The following SGCZ variants were observed in gnomAD, a reference collection of about 807,000 sequenced individuals.
SGCZ encodes the protein zeta-sarcoglycan.
SGCZ carries 40 observed loss-of-function variants against 41.3 expected under a neutral mutation model. That is an observed-to-expected ratio of 0.97 (90% CI 0.75 to 1.26). SGCZ has a LOEUF of 1.26. SGCZ is among the 50% of genes most tolerant of loss of function. The pLI, the probability that SGCZ is intolerant of heterozygous loss-of-function variation, is 0.00. For synonymous variants in SGCZ, 206 were observed against 137.5 expected, an observed-to-expected ratio of 1.50 and a Z score of -3.49; for missense variants, 552 against 369.8, an observed-to-expected ratio of 1.49 and a Z score of -4.04.
intron 1 of SGCZ, among the ~76,000 whole-genome samples, chr8:14,705,482 A>C (rs1007069844): frequency 6.6e-6 from 1 of 152,028 alleles, no homozygotes; most frequent in Non-Finnish European, 1.5e-5. Flanking sequence ...TGCCTGCCAT[A>C]TAAGAAAAAT....
At chr8:14,192,846 T>C (rs1456106961) in intron 4 of SGCZ, among the ~76,000 whole-genome samples, 1 of 152,116 alleles carries the variant, frequency 6.6e-6, no homozygotes, top group Non-Finnish European at 1.5e-5. Context: ...CCTGAAATAA[T>C]GTAATAGAAC....
intron 1 of SGCZ, among the ~76,000 whole-genome samples, chr8:14,842,317 A>C (rs142846368): frequency 7.2e-4 from 110 of 152,184 alleles, no homozygotes; most frequent in African/African-American, 2.6e-3. Flanking sequence ...AGGGCAAAAC[A>C]AGCAAATGTC....
rs7823884 is a variant in SGCZ at position 14,408,389 on chromosome 8, A to G, written c.235-84185T>C. Among the ~76,000 whole-genome samples, 919 of 152,176 alleles carry G rather than the reference A, an allele frequency of 6.0e-3. 6 individuals carry two copies. The highest frequency in any genetic ancestry group is 0.017 in the South Asian group (80 of 4,820). ...ATCTGGACCCCTGGGAGTTTTCTACACTTATTTCCTCCTCTCGTCCCACCC... is the reference window on the plus strand; with the variant it reads ...ATCTGGACCCCTGGGAGTTTTCTACGCTTATTTCCTCCTCTCGTCCCACCC... On this transcript the variant is annotated intron_variant, in intron 2 of 7. Coordinates refer to ENST00000382080, the MANE Select transcript of SGCZ (RefSeq NM_139167.4).
At chr8:14,349,047 G>A (rs889303289) in intron 2 of SGCZ, among the ~76,000 whole-genome samples, 15 of 152,038 alleles carry the variant, frequency 9.9e-5, no homozygotes, top group Admixed American at 9.8e-4. Flanking sequence ...TTAATACTAA[G>A]AGGAATGCAT....
At chr8:15,115,096 A>C (rs1024062083) in intron 1 of SGCZ, among the ~76,000 whole-genome samples, 1 of 152,164 alleles carries the variant, frequency 6.6e-6, no homozygotes, top group Non-Finnish European at 1.5e-5. Flanking sequence ...TAAAAATATA[A>C]GAGTTTATTT....
At chr8:14,348,116 A>G (rs1349471188) in intron 2 of SGCZ, among the ~76,000 whole-genome samples, 1 of 152,054 alleles carries the variant, frequency 6.6e-6, no homozygotes, top group Admixed American at 6.6e-5. Context: ...AAGGTGGTTC[A>G]TCTGCAACTC....
At chr8:15,045,828 AAC>A (rs1416040585) in intron 1 of SGCZ, among the ~76,000 whole-genome samples, 2 of 152,074 alleles carry the variant, frequency 1.3e-5, no homozygotes, top group African/African-American at 2.4e-5. Context: ...CATCCAATCA[AAC>A]AGACTCTCAC....
intron 3 of SGCZ, chr8:14,309,403 C>T (rs1801453983): frequency 3.7e-6 from 6 of 1,606,370 alleles, no homozygotes; most frequent in Non-Finnish European, 5.1e-6. Flanking sequence ...ACCTCGATCG[C>T]TTTTGGCTAG....
chr8:14,423,689 C>T (rs1799697966), intron 2 of SGCZ, among the ~76,000 whole-genome samples: 1 of 152,214 alleles, frequency 6.6e-6, no homozygotes, highest in Admixed American at 6.5e-5. Context: ...GCTGGTATTA[C>T]AGGCGTAAGC....
At chr8:14,785,985 G>T (rs1800754147) in intron 1 of SGCZ, among the ~76,000 whole-genome samples, 1 of 138,878 alleles carries the variant, frequency 7.2e-6, no homozygotes, top group Non-Finnish European at 1.5e-5. Flanking sequence ...ACAATTTGCA[G>T]ATACTATGAA....
chr8:14,819,588 CTAG>C (rs1429046514), intron 1 of SGCZ, among the ~76,000 whole-genome samples: 1 of 152,082 alleles, frequency 6.6e-6, no homozygotes, highest in Non-Finnish European at 1.5e-5. Flanking sequence ...TTAGAACACC[CTAG>C]TGAAGTAATG....
At chr8:15,023,448 C>T (rs57332249) in intron 1 of SGCZ, among the ~76,000 whole-genome samples, 7,039 of 152,150 alleles carry the variant, frequency 0.046, 229 homozygotes, top group South Asian at 0.13. Flanking sequence ...CTTTTTGTTC[C>T]GTTTTTCTGA....
intron 1 of SGCZ, among the ~76,000 whole-genome samples, chr8:14,831,297 G>T (rs1031822900): frequency 1.3e-5 from 2 of 152,142 alleles, no homozygotes; most frequent in East Asian, 3.9e-4. Context: ...ATAGTACATG[G>T]AAACATATTG....
chr8:15,197,917 G>C (rs268368), intron 1 of SGCZ, among the ~76,000 whole-genome samples: 67,622 of 150,120 alleles, frequency 0.45, 15,397 homozygotes, highest in East Asian at 0.58. Context: ...TATATATATA[G>C]ATACACATAC....
chr8:14,588,543 C>A (rs1419445889), intron 1 of SGCZ, among the ~76,000 whole-genome samples: 1 of 151,896 alleles, frequency 6.6e-6, no homozygotes. Flanking sequence ...AATATTACAA[C>A]AAAGCTACAT....
rs532949858 is a variant in SGCZ, at chr8:14,343,210, C to G, written c.235-19006G>C. Among the ~76,000 whole-genome samples the G allele has an allele frequency of 4.6e-5, 7 of 152,348 alleles. No homozygotes were observed. In the East Asian group the frequency reaches 1.4e-3, roughly 29 times the overall value. On this transcript the variant is annotated intron_variant, in intron 2 of 7. Coordinates refer to ENST00000382080, the MANE Select transcript of SGCZ (RefSeq NM_139167.4). The stretch of plus-strand genomic sequence containing the variant: ...CATGGGCAGGGCCCTCATGGAGAAC[C>G]TCTGCTAGTGCAGTCCAGAAGGGAA...
intron 7 of SGCZ, among the ~76,000 whole-genome samples, chr8:14,098,821 C>T (rs951542997): frequency 2.0e-5 from 3 of 152,096 alleles, no homozygotes; most frequent in Middle Eastern, 3.2e-3. Context: ...GCCTTAGAAT[C>T]AAGCATGAGC....
intron 1 of SGCZ, among the ~76,000 whole-genome samples, chr8:14,646,697 G>T (rs1807232857): frequency 6.6e-6 from 1 of 151,690 alleles, no homozygotes; most frequent in Non-Finnish European, 1.5e-5. Flanking sequence ...TCTAAAAGTT[G>T]GTCTTTGGAA....
chr8:14,781,456 T>G lies in SGCZ; in HGVS notation c.40-226530A>C, dbSNP rs562704895. 4.2e-4 allele frequency among the ~76,000 whole-genome samples: 64 copies of G among 152,246 alleles called. 1 individual carries two copies. The highest frequency in any genetic ancestry group is 2.9e-5 in the Non-Finnish European group (2 of 68,008). The stretch of plus-strand genomic sequence containing the variant: ...GTTAACCAGGCTGGTCTCAAACCCC[T>G]GGACTCAAGCAATCTGCCCATCTCG... On this transcript the variant is annotated intron_variant, in intron 1 of 7. Transcript: ENST00000382080.
Sources: gnomAD v4.1 joint callset for allele counts (sites outside exome capture counted in the v4.1 genomes callset) on GRCh38, gnomAD v4.1.1 for gene constraint, MANE v1.5 for transcripts, NCBI Gene and HGNC (gene_info 2026-07-23, HGNC 2026-07-21) for gene names.